The following AATK variants were observed in gnomAD, a reference collection of about 807,000 sequenced individuals.
AATK encodes lemur tail kinase 1, also known as serine/threonine-protein kinase LMTK1.
AATK carries 91 observed loss-of-function variants against 114.3 expected under a neutral mutation model. The ratio of observed to expected loss-of-function variants is 0.80; its 90% CI spans 0.67 to 0.95. The LOEUF (loss-of-function observed/expected upper bound fraction) is 0.95. AATK is among the 40% of genes least tolerant of loss of function. The probability of loss-of-function intolerance (pLI) is 0.00; values close to 1 mark genes in which losing one functional copy is unlikely to be tolerated. For synonymous variants in AATK, 1,075 were observed against 916.5 expected (o/e 1.17, Z -3.12); for missense variants, 2,176 against 1,965.2 (o/e 1.11, Z -2.03).
Position 81,126,502 on chromosome 17 carries a change from G to C in AATK, c.680C>G (p.Pro227Arg). 1 of 1,551,534 alleles carries C rather than the reference G, an allele frequency of 6.4e-7. No individual in the cohort carries two copies. Among genetic ancestry groups the C allele is most frequent in the Non-Finnish European group, 8.7e-7 (1 of 1,147,526 alleles). ...CRVAESMAPDPRTLQRMACEV... is the reference protein window; with the variant it reads ...CRVAESMAPDRRTLQRMACEV... ...ACAGGCCATGCGCTGCAGGGTCCGGGGGTCGGGAGCCATGGACTCCGCCAC... is the reference window on the plus strand; with the variant it reads ...ACAGGCCATGCGCTGCAGGGTCCGGCGGTCGGGAGCCATGGACTCCGCCAC... The change falls in exon 7 of 14, where the codon CCC (proline) becomes CGC (arginine). Residue 227 changes from proline to arginine, a missense_variant. Transcript: ENST00000326724. This position sits in a 1 kb window ranked among gnomAD's most constrained non-coding sequence, Gnocchi z 5.1.
chr17:81,132,171 C>T (rs1052058668), intron 2 of AATK, among the ~76,000 whole-genome samples: 4 of 152,246 alleles, frequency 2.6e-5, no homozygotes, highest in African/African-American at 9.6e-5. Context: ...ATGACAGCCC[C>T]AATCCCTGAG....
At chr17:81,158,952 G>C (rs979869075) in intron 1 of AATK, among the ~76,000 whole-genome samples, 1 of 152,184 alleles carries the variant, frequency 6.6e-6, no homozygotes, top group South Asian at 2.1e-4. Context: ...TACACACAGC[G>C]AAAACCTCAG....
chr17:81,161,271 C>T (rs935302508), intron 1 of AATK, among the ~76,000 whole-genome samples: 7 of 152,106 alleles, frequency 4.6e-5, no homozygotes, highest in South Asian at 2.1e-4. Flanking sequence ...CCTGCCTCTC[C>T]GGCACAGCGG....
chr17:81,125,932 C>G, intron 7 of AATK: 1 of 478,670 alleles, frequency 2.1e-6, no homozygotes, highest in East Asian at 6.7e-5. Context: ...TCACTCAGCA[C>G]CAGGATATTG....
intron 1 of AATK, among the ~76,000 whole-genome samples, chr17:81,144,412 G>A (rs555529762): frequency 1.3e-5 from 2 of 152,352 alleles, no homozygotes; most frequent in South Asian, 4.1e-4. Context: ...CCTGGGGAGA[G>A]GGTGGCCACA....
intron 13 of AATK, 95 bp downstream of exon 13, chr17:81,119,285 G>A (rs2060649541): frequency 1.5e-6 from 2 of 1,312,478 alleles, no homozygotes; most frequent in Admixed American, 3.2e-5. Context: ...GCCGGGGCTG[G>A]CCCGGCCCAG....
At chr17:81,144,591 C>T (rs187402240) in intron 1 of AATK, among the ~76,000 whole-genome samples, 1 of 152,382 alleles carries the variant, frequency 6.6e-6, no homozygotes, top group Non-Finnish European at 1.5e-5. Flanking sequence ...ACTCTCAGTG[C>T]CGCACCCCCG....
chr17:81,134,551 G>T (rs1321881760), intron 1 of AATK, 50 bp from the exon 2 acceptor site: 1 of 1,575,170 alleles, frequency 6.3e-7, no homozygotes, highest in African/African-American at 1.3e-5. Context: ...GGCCGGCCAG[G>T]CCCCTGCCCC....
At chr17:81,156,248 G>A (rs1346277115) in intron 1 of AATK, among the ~76,000 whole-genome samples, 1 of 151,716 alleles carries the variant, frequency 6.6e-6, no homozygotes, top group Non-Finnish European at 1.5e-5. Flanking sequence ...ATGTTACAAT[G>A]TATGTTACCA....
chr17:81,125,699 A>C (rs1263755698), intron 7 of AATK, among the ~76,000 whole-genome samples: 1 of 152,012 alleles, frequency 6.6e-6, no homozygotes, highest in Non-Finnish European at 1.5e-5. Flanking sequence ...TTCTGTGCTC[A>C]GGACTCAGGG....
intron 7 of AATK, chr17:81,125,957 C>T (rs375232828): frequency 1.5e-5 from 7 of 479,798 alleles, no homozygotes; most frequent in African/African-American, 7.9e-5. Flanking sequence ...AGAGGACAGC[C>T]GTGCGGCGTC....
Position 81,122,522 on chromosome 17 carries a change from T to C in AATK, c.1414A>G (p.Ser472Gly). ...TTGTACTCAAAATTGAGGCCTCGGC[T>C]GGTCTCGGTCACCGTCAGCACGTCG... is the stretch of plus-strand genomic sequence containing the variant. ...GDDVLTVTET[S>G]RGLNFEYKWE... Residue 472 changes from serine (S) to glycine (G), a missense_variant, in exon 11 of 14, where the codon AGC (serine) becomes GGC (glycine). This residue lies in a region of AATK where 1,701 missense variants were observed against 1,394.7 expected (regional missense o/e 1.22). Transcript: ENST00000326724. The C allele has an allele frequency of 6.8e-7, 1 of 1,480,662 alleles. No homozygotes were observed. Among genetic ancestry groups the C allele is most frequent in the Non-Finnish European group, 9.0e-7 (1 of 1,111,522 alleles). The allele number at this position is 1,480,662 out of a possible 1,614,324, so 91.7% of individuals were successfully genotyped here. A position where few individuals can be genotyped will look rare whatever the true frequency, so the allele number is the denominator to read the frequency against.
chr17:81,131,823 A>C, intron 2 of AATK: 1 of 1,289,964 alleles, frequency 7.8e-7, no homozygotes, highest in South Asian at 1.2e-5. Context: ...AAGTGCCCCC[A>C]CCCCTGCCGG....
At position 81,121,707 on chromosome 17, in the gene AATK, G is replaced by A. The variant is rs56157111; in HGVS notation, c.2229C>T (p.Pro743=). The A allele has an allele frequency of 1.9e-4, 291 of 1,493,378 alleles. 1 individual carries two copies. In the East Asian group the frequency reaches 6.0e-3, roughly 31 times the overall value. The allele number at this position is 1,493,378 out of a possible 1,614,324, so 92.5% of individuals were successfully genotyped here. ...AASAQEPGCC[P]GLPHLCSAQG... ...GGGCAGAGCATAGATGAGGGAGGCC[G>A]GGGCAGCAGCCTGGCTCCTGGGCAG... Residue 743 remains proline (P), a synonymous_variant, in exon 11 of 14, where the codon CCC becomes CCT. Coordinates refer to ENST00000326724, the MANE Select transcript of AATK (RefSeq NM_001080395.3).
chr17:81,142,217 C>A (rs780018185), intron 1 of AATK, among the ~76,000 whole-genome samples: 1 of 152,110 alleles, frequency 6.6e-6, no homozygotes, highest in Non-Finnish European at 1.5e-5. Flanking sequence ...CCTTGGCCTC[C>A]CAAAATGCTG....
rs373976413 is a variant in AATK at position 81,119,607 on chromosome 17, G to A, written c.3884-27C>T. Reference sequence around the variant, plus strand: ...TGCAGCCCAGGTCGCGGCGTCACTCGCGCTCACAGCCTGGGACCCCGGCCC... The same window carrying A: ...TGCAGCCCAGGTCGCGGCGTCACTCACGCTCACAGCCTGGGACCCCGGCCC... On this transcript the variant is annotated intron_variant, in intron 12 of 13. Coordinates refer to ENST00000326724, the MANE Select transcript of AATK (RefSeq NM_001080395.3). The A allele has an allele frequency of 3.9e-6, 6 of 1,537,506 alleles. No homozygotes were observed. In the East Asian group the frequency reaches 7.6e-5, roughly 20 times the overall value.
At chr17:81,124,626 C>T (rs1335495670) in intron 9 of AATK, 101 bp downstream of exon 9, 39 of 1,536,514 alleles carry the variant, frequency 2.5e-5, no homozygotes, top group Admixed American at 7.3e-5. Flanking sequence ...CAGGTGGCTC[C>T]GGCAGCCCCC....
rs71373062 is a variant in AATK, at chr17:81,124,931, C to T, written c.839G>A (p.Arg280Lys). 1 of 1,550,588 alleles carries T rather than the reference C, an allele frequency of 6.4e-7. No individual in the cohort carries two copies. Among genetic ancestry groups the T allele is most frequent in the Non-Finnish European group, 8.8e-7 (1 of 1,140,328 alleles). Residue 280 changes from arginine (R) to lysine (K), a missense_variant and splice_region_variant, in exon 8 of 14, where the codon AGA (arginine) becomes AAA (lysine). This residue lies in a region of AATK where 273 missense variants were observed against 344.1 expected (regional missense o/e 0.79). Coordinates refer to ENST00000326724, the MANE Select transcript of AATK (RefSeq NM_001080395.3). ...CCCAGCCCACCCCACCCCACTCACT[C>T]TGTACTTGCAGTGAGCCAGGCCATA... Reference protein sequence around the residue: ...GDYGLAHCKYREDYFVTADQL... With the variant: ...GDYGLAHCKYKEDYFVTADQL...
rs758582252 is a variant in AATK at position 81,126,214 on chromosome 17, C to T, written c.755+213G>A. 1.4e-4 allele frequency among the ~76,000 whole-genome samples: 22 copies of T among 152,174 alleles called. No homozygotes were observed. The highest frequency in any genetic ancestry group is 3.3e-4 in the Admixed American group (5 of 15,284). ...GCCAGCTTGACAGTACGCATCTCTT[C>T]GTCTAAACCTGCAAAGTGGGTGTCA... On this transcript the variant is annotated intron_variant, in intron 7 of 13. Transcript: ENST00000326724. The surrounding 1 kb of genome is among the most constrained non-coding windows in gnomAD (Gnocchi z 5.1).
Sources: gnomAD v4.1 joint callset for allele counts (sites outside exome capture counted in the v4.1 genomes callset) on GRCh38, gnomAD v4.1.1 for gene constraint, gnomAD v4.1.1 regional missense constraint, Gnocchi (gnomAD v3.1) non-coding constraint, MANE v1.5 for transcripts, NCBI Gene and HGNC (gene_info 2026-07-23, HGNC 2026-07-21) for gene names.